Variants in CNTNAP2 observed in about 807,000 individuals in gnomAD.
The protein encoded by CNTNAP2 is contactin-associated protein-like 2.
CNTNAP2 carries 98 observed loss-of-function variants against 155.2 expected under a neutral mutation model. The ratio of observed to expected loss-of-function variants is 0.63; its 90% CI spans 0.54 to 0.75. The LOEUF (loss-of-function observed/expected upper bound fraction) is 0.75. Among genes scored for constraint, CNTNAP2 ranks in the 30% least tolerant of loss-of-function variants. The pLI is 0.00. For synonymous variants in CNTNAP2, 651 were observed against 631.2 expected (o/e 1.03, Z -0.47); for missense variants, 1,727 against 1,688.1 (o/e 1.02, Z -0.40).
intron 17 of CNTNAP2, among the ~76,000 whole-genome samples, chr7:148,150,498 A>C (rs1280797797): frequency 6.6e-6 from 1 of 151,982 alleles, no homozygotes; most frequent in African/African-American, 2.4e-5. Flanking sequence ...CAGTGAGCCG[A>C]GATCGCGCCA....
chr7:148,339,857 G>T (rs1798197518), intron 21 of CNTNAP2, among the ~76,000 whole-genome samples: 2 of 152,122 alleles, frequency 1.3e-5, no homozygotes, highest in African/African-American at 4.8e-5. Context: ...GTTCTTTGGG[G>T]AGTAAATCAC....
chr7:146,745,910 G>A (rs1801802769), intron 1 of CNTNAP2, among the ~76,000 whole-genome samples: 2 of 152,172 alleles, frequency 1.3e-5, no homozygotes, highest in Non-Finnish European at 2.9e-5. Context: ...ATGTATCTTG[G>A]AAGAGACTCG....
chr7:146,381,083 C>T (rs1490423058), intron 1 of CNTNAP2, among the ~76,000 whole-genome samples: 3 of 151,954 alleles, frequency 2.0e-5, no homozygotes, highest in Admixed American at 6.6e-5. Flanking sequence ...CAGGCGTGAG[C>T]CACCGCGCCC....
At chr7:146,433,213 T>G (rs1404301940) in intron 1 of CNTNAP2, among the ~76,000 whole-genome samples, 1 of 152,170 alleles carries the variant, frequency 6.6e-6, no homozygotes, top group Non-Finnish European at 1.5e-5. Context: ...TTGTTACAGG[T>G]GATCCCTGGG....
intron 1 of CNTNAP2, among the ~76,000 whole-genome samples, chr7:146,528,254 G>T (rs1274672206): frequency 6.6e-6 from 1 of 152,134 alleles, no homozygotes; most frequent in Non-Finnish European, 1.5e-5. Flanking sequence ...TGTAAAGATG[G>T]GTTGGAGAGT....
intron 9 of CNTNAP2, among the ~76,000 whole-genome samples, chr7:147,321,599 G>T (rs916104376): frequency 9.9e-5 from 15 of 152,022 alleles, no homozygotes; most frequent in African/African-American, 3.1e-4. Flanking sequence ...CTCTCTCCTG[G>T]AGACTTTGCT....
chr7:147,565,176 G>A (rs1800145554), intron 12 of CNTNAP2, among the ~76,000 whole-genome samples: 1 of 152,118 alleles, frequency 6.6e-6, no homozygotes. Context: ...CACTCAAAAA[G>A]GTGAAGAAGA....
At chr7:147,854,214 C>T (rs564161338) in intron 13 of CNTNAP2, among the ~76,000 whole-genome samples, 4 of 152,146 alleles carry the variant, frequency 2.6e-5, no homozygotes, top group Admixed American at 6.5e-5. Flanking sequence ...GAAGAGTTGC[C>T]GTTATTTCAC....
intron 13 of CNTNAP2, among the ~76,000 whole-genome samples, chr7:147,852,818 G>GA (rs1563111740): frequency 6.6e-6 from 1 of 152,030 alleles, no homozygotes; most frequent in African/African-American, 2.4e-5. Context: ...ATGAGACTAC[G>GA]GATCCTCTGC....
At chr7:146,608,019 A>G (rs985705319) in intron 1 of CNTNAP2, among the ~76,000 whole-genome samples, 1 of 152,220 alleles carries the variant, frequency 6.6e-6, no homozygotes, top group Admixed American at 6.5e-5. Flanking sequence ...GAAAGATTAA[A>G]AGGACATAAA....
chr7:146,974,810 C>G (rs973706780), intron 3 of CNTNAP2, among the ~76,000 whole-genome samples: 3 of 151,942 alleles, frequency 2.0e-5, no homozygotes, highest in Non-Finnish European at 4.4e-5. Flanking sequence ...ACCAGCCTGG[C>G]CAACATGGTG....
intron 15 of CNTNAP2, among the ~76,000 whole-genome samples, chr7:147,978,390 G>T (rs1421671563): frequency 7.2e-5 from 11 of 151,978 alleles, no homozygotes; most frequent in Non-Finnish European, 1.5e-5. Flanking sequence ...TAGCATTATG[G>T]CTTAATGTAT....
At chr7:148,258,005 A>C (rs1310822339) in intron 20 of CNTNAP2, among the ~76,000 whole-genome samples, 1 of 152,218 alleles carries the variant, frequency 6.6e-6, no homozygotes, top group African/African-American at 2.4e-5. Flanking sequence ...TGACCCATTT[A>C]ACACATGTTA....
intron 8 of CNTNAP2, among the ~76,000 whole-genome samples, chr7:147,257,374 C>G (rs1025229153): frequency 6.6e-6 from 1 of 152,278 alleles, no homozygotes; most frequent in Non-Finnish European, 1.5e-5. Flanking sequence ...ATCCTTGCAG[C>G]GGCCCACTCA....
chr7:146,574,112 T>C (rs577953988), intron 1 of CNTNAP2, among the ~76,000 whole-genome samples: 90 of 152,246 alleles, frequency 5.9e-4, no homozygotes, highest in African/African-American at 2.1e-3. Flanking sequence ...AGTCTGGAGA[T>C]AAAGACCATG....
intron 1 of CNTNAP2, among the ~76,000 whole-genome samples, chr7:146,240,865 G>A (rs1386981757): frequency 6.6e-6 from 1 of 152,146 alleles, no homozygotes; most frequent in African/African-American, 2.4e-5. Context: ...AAGAAAATAG[G>A]TTTAATTGGC....
chr7:147,564,288 A>T (rs1386758461), intron 12 of CNTNAP2, among the ~76,000 whole-genome samples: 1 of 152,160 alleles, frequency 6.6e-6, no homozygotes, highest in African/African-American at 2.4e-5. Context: ...TCTATTTTGA[A>T]AAAGAACTTT....
intron 21 of CNTNAP2, among the ~76,000 whole-genome samples, chr7:148,288,974 G>GAA: frequency 7.7e-6 from 1 of 130,148 alleles, no homozygotes; most frequent in Middle Eastern, 3.9e-3. Context: ...AAAAAAGAGA[G>GAA]AAAAACCCAC....
chr7:147,216,569 C>G (rs2116583566), intron 8 of CNTNAP2, among the ~76,000 whole-genome samples: 1 of 144,738 alleles, frequency 6.9e-6, no homozygotes, highest in Middle Eastern at 3.6e-3. Context: ...TATTTACAGT[C>G]TTATTTACTG....
Sources: allele counts gnomAD v4.1 joint callset (sites outside exome capture counted in the v4.1 genomes callset), GRCh38; gene constraint gnomAD v4.1.1; transcripts MANE v1.5; gene names NCBI Gene and HGNC (gene_info 2026-07-23, HGNC 2026-07-21).